The following ANTXR1 variants were observed in gnomAD, a reference collection of about 807,000 sequenced individuals.
ANTXR1 encodes ANTXR cell adhesion molecule 1, also known as anthrax toxin receptor 1.
In ANTXR1, 19 loss-of-function variants were observed where a neutral mutation model predicts 78.1. That is an observed-to-expected ratio of 0.24 (90% CI 0.17 to 0.36). The LOEUF is 0.36. ANTXR1 is among the 10% of genes least tolerant of loss of function. The probability of loss-of-function intolerance (pLI) is 1.00; values close to 1 mark genes in which losing one functional copy is unlikely to be tolerated. For synonymous variants in ANTXR1, 273 were observed against 260.5 expected (o/e 1.05, Z -0.46); for missense variants, 518 against 718.6 (o/e 0.72, Z 3.19).
At chr2:69,178,211 A>G (rs1573957401) in intron 14 of ANTXR1, among the ~76,000 whole-genome samples, 1 of 152,326 alleles carries the variant, frequency 6.6e-6, no homozygotes, top group East Asian at 1.9e-4. Flanking sequence ...AAATGGAAAG[A>G]CACATCAAAG....
intron 17 of ANTXR1, among the ~76,000 whole-genome samples, chr2:69,206,986 G>A (rs1674920683): frequency 6.6e-6 from 1 of 152,108 alleles, no homozygotes; most frequent in African/African-American, 2.4e-5. Context: ...TTCCAAAAAG[G>A]TTACCCTGCC....
At chr2:69,094,106 A>AATGG (rs1671322167) in intron 9 of ANTXR1, among the ~76,000 whole-genome samples, 1 of 152,260 alleles carries the variant, frequency 6.6e-6, no homozygotes, top group Non-Finnish European at 1.5e-5. Flanking sequence ...GTTTTCAGGA[A>AATGG]GCCTGGGAGC....
In ANTXR1 at chr2:69,076,297, T is replaced by C. The variant is rs750410786; in HGVS notation, c.561+639T>C. On this transcript the variant is annotated intron_variant, in intron 7 of 17. Coordinates refer to ENST00000303714, the MANE Select transcript of ANTXR1 (RefSeq NM_032208.3). Reference sequence around the variant, plus strand: ...CGGGCCAAATTTAATTTGACAAGTATGATTTTCTTATTCAAATAACAAATG... The same window carrying C: ...CGGGCCAAATTTAATTTGACAAGTACGATTTTCTTATTCAAATAACAAATG... Among the ~76,000 whole-genome samples, 182 of 152,202 alleles carry C rather than the reference T, an allele frequency of 1.2e-3. 3 individuals carry two copies. The highest frequency in any genetic ancestry group is 3.2e-4 in the Non-Finnish European group (22 of 68,026).
At chr2:69,026,440 T>C (rs138361216) in intron 1 of ANTXR1, among the ~76,000 whole-genome samples, 1 of 152,356 alleles carries the variant, frequency 6.6e-6, no homozygotes, top group African/African-American at 2.4e-5. Flanking sequence ...CTAGCTGTTA[T>C]TATTAAGTGG....
chr2:69,182,422 T>G (rs1211225626), intron 15 of ANTXR1, 71 bp from the exon 16 acceptor site: 1 of 1,560,478 alleles, frequency 6.4e-7, no homozygotes, highest in Non-Finnish European at 8.8e-7. Flanking sequence ...CTCATGCATG[T>G]ATTTGTCATT....
intron 1 of ANTXR1, among the ~76,000 whole-genome samples, chr2:69,032,965 T>TTTATA (rs1453041194): frequency 6.6e-6 from 1 of 152,216 alleles, no homozygotes; most frequent in African/African-American, 2.4e-5. Flanking sequence ...TATTCTGGTA[T>TTTATA]TTCTATTCTA....
chr2:69,112,302 G>C (rs1035402536), intron 10 of ANTXR1, among the ~76,000 whole-genome samples: 8 of 152,246 alleles, frequency 5.3e-5, no homozygotes, highest in Non-Finnish European at 1.0e-4. Flanking sequence ...TGAACTCAGA[G>C]AGATGAAGTG....
At chr2:69,230,377 C>T (rs1265686502) in intron 17 of ANTXR1, among the ~76,000 whole-genome samples, 1 of 151,912 alleles carries the variant, frequency 6.6e-6, no homozygotes, top group Non-Finnish European at 1.5e-5. Flanking sequence ...GAGTCCTTTA[C>T]CACTTGGCCT....
At chr2:69,090,708 C>T in intron 8 of ANTXR1, 151 bp from the exon 9 acceptor site, 2 of 699,702 alleles carry the variant, frequency 2.9e-6, no homozygotes, top group South Asian at 3.1e-5. Flanking sequence ...GGTATTGGTA[C>T]TAGTCAAGAT....
At chr2:69,134,385 G>A (rs1375728326) in intron 12 of ANTXR1, among the ~76,000 whole-genome samples, 2 of 152,168 alleles carry the variant, frequency 1.3e-5, no homozygotes, top group African/African-American at 4.8e-5. Context: ...CCAAGGGGTA[G>A]AATAGGCTCA....
At chr2:69,052,358 T>C (rs1669954343) in intron 3 of ANTXR1, among the ~76,000 whole-genome samples, 1 of 152,094 alleles carries the variant, frequency 6.6e-6, no homozygotes, top group Non-Finnish European at 1.5e-5. Flanking sequence ...TATGAGAATT[T>C]TTTTGTATTC....
intron 8 of ANTXR1, among the ~76,000 whole-genome samples, chr2:69,079,556 GT>G (rs1045944730): frequency 6.6e-6 from 1 of 152,126 alleles, no homozygotes; most frequent in Non-Finnish European, 1.5e-5. Context: ...GACAGTTTGG[GT>G]AAAGGAGTCA....
chr2:69,146,412 ATACT>A, intron 12 of ANTXR1: 12 of 971,454 alleles, frequency 1.2e-5, no homozygotes, highest in Non-Finnish European at 1.3e-5. Context: ...ACTTGGGTTG[ATACT>A]TAGGCTATTG....
chr2:69,072,542 C>G (rs1013084988), intron 5 of ANTXR1, among the ~76,000 whole-genome samples: 2 of 152,120 alleles, frequency 1.3e-5, no homozygotes, highest in African/African-American at 4.8e-5. Context: ...TAGGTTTTGC[C>G]AACTGCTATA....
intron 13 of ANTXR1, among the ~76,000 whole-genome samples, chr2:69,161,488 G>A (rs1042591007): frequency 2.6e-5 from 4 of 152,170 alleles, no homozygotes; most frequent in African/African-American, 9.7e-5. Flanking sequence ...AACTTTTACA[G>A]TGTAAAATTA....
At chr2:69,192,782 A>G (rs1674571966) in intron 16 of ANTXR1, among the ~76,000 whole-genome samples, 2 of 152,132 alleles carry the variant, frequency 1.3e-5, no homozygotes, top group Admixed American at 1.3e-4. Context: ...GTCATCTGTA[A>G]TGCTTGGTAA....
At chr2:69,071,938 C>A in intron 5 of ANTXR1, 151 bp downstream of exon 5, 1 of 778,700 alleles carries the variant, frequency 1.3e-6, no homozygotes, top group South Asian at 1.7e-5. Flanking sequence ...ACAAGGAATG[C>A]ATAGAAAGGT....
chr2:69,176,706 A>G lies in ANTXR1; in HGVS notation c.1090-5080A>G, dbSNP rs77199486. ...TTAGTGAAATAATTGACAAATAAAA[A>G]TCTCTTGTTGAGCTTATGCATTTAA... On this transcript the variant is annotated intron_variant, in intron 14 of 17. Transcript: ENST00000303714. 6.7e-3 allele frequency among the ~76,000 whole-genome samples: 1,020 copies of G among 152,338 alleles called. 10 individuals are homozygous for G. Among genetic ancestry groups the G allele is most frequent in the African/African-American group, 0.023 (947 of 41,570 alleles).
intron 17 of ANTXR1, among the ~76,000 whole-genome samples, chr2:69,219,954 T>C (rs1383547619): frequency 6.6e-6 from 1 of 152,054 alleles, no homozygotes; most frequent in Non-Finnish European, 1.5e-5. Flanking sequence ...AAAAGCAAAA[T>C]AATACCCTCA....
Sources: gnomAD v4.1 joint callset for allele counts (sites outside exome capture counted in the v4.1 genomes callset) on GRCh38, gnomAD v4.1.1 for gene constraint, MANE v1.5 for transcripts, NCBI Gene and HGNC (gene_info 2026-07-23, HGNC 2026-07-21) for gene names.